SYPL2: variants seen among roughly 807,000 people sequenced by gnomAD.
SYPL2 encodes the protein synaptophysin-like protein 2.
SYPL2 carries 24 observed loss-of-function variants against 31.3 expected under a neutral mutation model. That is an observed-to-expected ratio of 0.77 (90% CI 0.56 to 1.08). The LOEUF (loss-of-function observed/expected upper bound fraction) is 1.08. Ranked by LOEUF, SYPL2 falls within the 50% of genes least tolerant of loss-of-function variation. The probability of loss-of-function intolerance (pLI) is 0.00; values close to 1 mark genes in which losing one functional copy is unlikely to be tolerated. For missense variants in SYPL2, 342 were observed against 360.1 expected (o/e 0.95, Z 0.41); for synonymous variants, 144 against 143.1 (o/e 1.01, Z -0.05).
intron 2 of SYPL2, among the ~76,000 whole-genome samples, chr1:109,470,667 G>C (rs114780742): frequency 0.023 from 3,505 of 152,204 alleles, 143 homozygotes; most frequent in African/African-American, 0.079. Flanking sequence ...GGTGACAGGG[G>C]TGATTTTAGT....
chr1:109,480,946 G>T lies in SYPL2; in HGVS notation c.*1398G>T, dbSNP rs542504802. 6.5e-6 allele frequency: 1 copy of T among 152,750 alleles called. No homozygotes were observed. Among genetic ancestry groups the T allele is most frequent in the South Asian group, 2.1e-4 (1 of 4,826 alleles). The allele number at this position is 152,750 out of a possible 1,614,324, so 9.5% of individuals were successfully genotyped here. A position where few individuals can be genotyped will look rare whatever the true frequency, so the allele number is the denominator to read the frequency against. Reference sequence around the variant, plus strand: ...CTTCCTACCCAGCTCAATCTGCCCTGGCCATAGGGCTTCCCAGGGAAGGAA... The same window carrying T: ...CTTCCTACCCAGCTCAATCTGCCCTTGCCATAGGGCTTCCCAGGGAAGGAA... On this transcript the variant is annotated 3_prime_UTR_variant, in exon 6 of 6. Coordinates refer to ENST00000369872, the MANE Select transcript of SYPL2 (RefSeq NM_001040709.2).
Position 109,466,722 on chromosome 1 carries a change from C to A in SYPL2, c.-122C>A, listed in dbSNP as rs1571055631. On this transcript the variant is annotated 5_prime_UTR_variant, in exon 1 of 6. Coordinates refer to ENST00000369872, the MANE Select transcript of SYPL2 (RefSeq NM_001040709.2). ...ACTCCGGCCCACCGACGGCCGCTCG[C>A]GCTCCGGCCCCGCTCGCCTGCTCTG... 4 of 1,095,052 alleles carry A rather than the reference C, an allele frequency of 3.7e-6. No homozygotes were observed. The East Asian group carries it at 1.3e-4, about 37-fold the overall frequency. 67.8% of individuals were successfully genotyped at this position (1,095,052 alleles called of 1,614,324 possible). A position where few individuals can be genotyped will look rare whatever the true frequency, so the allele number is the denominator to read the frequency against.
At chr1:109,467,183 G>A (rs750765111) in intron 2 of SYPL2, 50 bp downstream of exon 2, 1 of 1,492,524 alleles carries the variant, frequency 6.7e-7, no homozygotes, top group Non-Finnish European at 8.9e-7. Flanking sequence ...GGGCTGTGAC[G>A]CTGACCTGAA....
In SYPL2 at chr1:109,466,858, G is replaced by C; in HGVS notation, c.15G>C (p.Glu5Asp). ...GCCGCGCCAGCATGTCCTCGACCGA[G>C]AGCGCCGGCCGCACGGCGGACAAGT... MSST[E>D]SAGRTADKSP... Residue 5 changes from glutamate to aspartate, a missense_variant, in exon 1 of 6, where the codon GAG becomes GAC. Transcript: ENST00000369872. The C allele has an allele frequency of 6.5e-7, 1 of 1,528,552 alleles. No individual in the cohort carries two copies. Among genetic ancestry groups the C allele is most frequent in the Middle Eastern group, 1.7e-4 (1 of 5,806 alleles). The allele number at this position is 1,528,552 out of a possible 1,614,324, so 94.7% of individuals were successfully genotyped here. A position where few individuals can be genotyped will look rare whatever the true frequency, so the allele number is the denominator to read the frequency against.
intron 2 of SYPL2, among the ~76,000 whole-genome samples, chr1:109,470,131 G>A (rs1267960520): frequency 6.6e-6 from 1 of 152,050 alleles, no homozygotes; most frequent in African/African-American, 2.4e-5. Context: ...GGGACCAAAG[G>A]CACATGCCAC....
intron 2 of SYPL2, among the ~76,000 whole-genome samples, chr1:109,469,020 G>A (rs1655743900): frequency 1.3e-5 from 2 of 152,356 alleles, no homozygotes; most frequent in South Asian, 4.1e-4. Flanking sequence ...TCACAGGGTA[G>A]CATCACAAAG....
chr1:109,477,328 A>G (rs1656032008), intron 4 of SYPL2, among the ~76,000 whole-genome samples: 1 of 152,172 alleles, frequency 6.6e-6, no homozygotes, highest in Admixed American at 6.5e-5. Context: ...AAAAAATGAG[A>G]ATGCATGTAT....
chr1:109,469,540 AAAAAG>A (rs777144479), intron 2 of SYPL2, among the ~76,000 whole-genome samples: 3 of 144,206 alleles, frequency 2.1e-5, no homozygotes, highest in Non-Finnish European at 3.0e-5. Context: ...GTTCAAGATA[AAAAAG>A]AAAAGAAAAG....
intron 2 of SYPL2, 77 bp downstream of exon 2, chr1:109,467,210 G>C (rs911352871): frequency 3.7e-6 from 5 of 1,347,310 alleles, no homozygotes; most frequent in Admixed American, 2.5e-5. Flanking sequence ...GAGCCAGGGT[G>C]GGGGCTGGGG....
rs541535023 is a variant in SYPL2 at position 109,475,366 on chromosome 1, A to C, written c.130-215A>C. 1.1e-3 allele frequency: 594 copies of C among 558,892 alleles called. 2 individuals are homozygous for C. The highest frequency in any genetic ancestry group is 1.4e-3 in the Non-Finnish European group (476 of 331,124). 34.6% of individuals were successfully genotyped at this position (558,892 alleles called of 1,614,324 possible). A position where few individuals can be genotyped will look rare whatever the true frequency, so the allele number is the denominator to read the frequency against. On this transcript the variant is annotated intron_variant, in intron 2 of 5. Coordinates refer to ENST00000369872, the MANE Select transcript of SYPL2 (RefSeq NM_001040709.2). ...TCTCCCTTGCAGACACCACTCAGTC[A>C]ACCTTGTATTCATTTGGCTATTTGG...
chr1:109,475,543 G>C, intron 2 of SYPL2, 38 bp from the exon 3 acceptor site: 1 of 1,603,294 alleles, frequency 6.2e-7, no homozygotes, highest in Non-Finnish European at 8.5e-7. Flanking sequence ...GGCCAGTTGA[G>C]GCCTTCTGAC....
intron 4 of SYPL2, among the ~76,000 whole-genome samples, chr1:109,477,315 G>A (rs549286536): frequency 1.2e-4 from 19 of 152,280 alleles, no homozygotes; most frequent in African/African-American, 4.3e-4. Flanking sequence ...GTGTGTGTAT[G>A]TGAAAAAATG....
chr1:109,473,200 G>A (rs1018358519), intron 2 of SYPL2, among the ~76,000 whole-genome samples: 1 of 152,190 alleles, frequency 6.6e-6, no homozygotes, highest in Non-Finnish European at 1.5e-5. Flanking sequence ...CAGAGGCTTC[G>A]AGTGACTCTT....
At position 109,478,110 on chromosome 1, in the gene SYPL2, G is replaced by A; in HGVS notation, c.648+101G>A. ...GGAAAGAGAGGGTGTCCCAGAGCTG[G>A]TGTCCCCTGCACCTGGAGCTGGTGC... On this transcript the variant is annotated intron_variant, in intron 5 of 5. Transcript: ENST00000369872. This position sits in a 1 kb window ranked among gnomAD's most constrained non-coding sequence, Gnocchi z 4.0. 1 of 1,510,244 alleles carries A rather than the reference G, an allele frequency of 6.6e-7. No homozygotes were observed. The highest frequency in any genetic ancestry group is 8.9e-7 in the Non-Finnish European group (1 of 1,129,668). 93.6% of individuals were successfully genotyped at this position (1,510,244 alleles called of 1,614,324 possible). A position where few individuals can be genotyped will look rare whatever the true frequency, so the allele number is the denominator to read the frequency against.
At chr1:109,472,353 C>A (rs529091) in intron 2 of SYPL2, among the ~76,000 whole-genome samples, 102,451 of 151,696 alleles carry the variant, frequency 0.68, 35,358 homozygotes, top group East Asian at 0.96. Context: ...CCACCTCAGC[C>A]TCCCAGAGTG....
At position 109,479,706 on chromosome 1, in the gene SYPL2, G is replaced by T; in HGVS notation, c.*158G>T. On this transcript the variant is annotated 3_prime_UTR_variant, in exon 6 of 6. Coordinates refer to ENST00000369872, the MANE Select transcript of SYPL2 (RefSeq NM_001040709.2). The stretch of plus-strand genomic sequence containing the variant: ...GCAGGCATCAGCTGTTGGAAACCTG[G>T]GCAGCCCTCTCAGTGGCTTCCTATC... 8.4e-7 allele frequency: 1 copy of T among 1,183,620 alleles called. No homozygotes were observed. Among genetic ancestry groups the T allele is most frequent in the Middle Eastern group, 3.0e-4 (1 of 3,372 alleles). The allele number at this position is 1,183,620 out of a possible 1,614,324, so 73.3% of individuals were successfully genotyped here. A position where few individuals can be genotyped will look rare whatever the true frequency, so the allele number is the denominator to read the frequency against.
At position 109,466,720 on chromosome 1, in the gene SYPL2, C is replaced by T. The variant is rs1273977888; in HGVS notation, c.-124C>T. On this transcript the variant is annotated 5_prime_UTR_variant, in exon 1 of 6. Transcript: ENST00000369872. ...GGACTCCGGCCCACCGACGGCCGCT[C>T]GCGCTCCGGCCCCGCTCGCCTGCTC... is the stretch of plus-strand genomic sequence containing the variant. 6 of 1,074,930 alleles carry T rather than the reference C, an allele frequency of 5.6e-6. No individual in the cohort carries two copies. The highest frequency in any genetic ancestry group is 7.3e-6 in the Non-Finnish European group (6 of 822,194). 66.6% of individuals were successfully genotyped at this position (1,074,930 alleles called of 1,614,324 possible).
intron 2 of SYPL2, among the ~76,000 whole-genome samples, chr1:109,472,072 G>C (rs1655852311): frequency 6.6e-6 from 1 of 152,082 alleles, no homozygotes; most frequent in Admixed American, 6.6e-5. Context: ...AGGGGCTACT[G>C]TTTTGGATAG....
intron 5 of SYPL2, among the ~76,000 whole-genome samples, chr1:109,479,138 G>A (rs909373847): frequency 2.6e-5 from 4 of 152,220 alleles, no homozygotes; most frequent in African/African-American, 9.6e-5. Context: ...TTCTGCTAGT[G>A]ACCAAGCTAC....
Sources: gnomAD v4.1 joint callset for allele counts (sites outside exome capture counted in the v4.1 genomes callset) on GRCh38, gnomAD v4.1.1 for gene constraint, Gnocchi (gnomAD v3.1) non-coding constraint, MANE v1.5 for transcripts, NCBI Gene and HGNC (gene_info 2026-07-23, HGNC 2026-07-21) for gene names.